WWOX: variants seen among roughly 807,000 people sequenced by gnomAD.
WWOX encodes the protein WW domain-containing oxidoreductase.
In WWOX, 69 loss-of-function variants were observed where a neutral mutation model predicts 46.2. The ratio of observed to expected loss-of-function variants is 1.49; its 90% CI spans 1.23 to 1.82. The LOEUF (loss-of-function observed/expected upper bound fraction) is 1.82. WWOX is among the 40% of genes most tolerant of loss of function. WWOX has a pLI of 0.00. For synonymous variants in WWOX, 359 were observed against 202.6 expected (o/e 1.77, Z -6.56); for missense variants, 919 against 542.6 (o/e 1.69, Z -6.89).
intron 8 of WWOX, among the ~76,000 whole-genome samples, chr16:78,919,089 T>A (rs917609902): frequency 6.6e-6 from 1 of 152,148 alleles, no homozygotes; most frequent in Admixed American, 6.5e-5. Flanking sequence ...TCATTTCCAA[T>A]TGAAATTAAT....
intron 8 of WWOX, among the ~76,000 whole-genome samples, chr16:78,681,755 G>A (rs1035269172): frequency 1.3e-5 from 2 of 152,212 alleles, no homozygotes; most frequent in African/African-American, 4.8e-5. Context: ...CAGCACAAAG[G>A]CGTGCGCAGT....
At chr16:78,847,534 A>G (rs1045837150) in intron 8 of WWOX, among the ~76,000 whole-genome samples, 5 of 151,868 alleles carry the variant, frequency 3.3e-5, no homozygotes, top group Non-Finnish European at 7.4e-5. Flanking sequence ...GGGTCTTGCT[A>G]TGTTGCCCAG....
chr16:78,215,693 C>T (rs889534934), intron 5 of WWOX, among the ~76,000 whole-genome samples: 2 of 151,974 alleles, frequency 1.3e-5, no homozygotes, highest in African/African-American at 4.8e-5. Flanking sequence ...TTTAGGAGGC[C>T]GAGGCAGATG....
chr16:78,507,559 G>A (rs564811085), intron 8 of WWOX, among the ~76,000 whole-genome samples: 1 of 152,092 alleles, frequency 6.6e-6, no homozygotes, highest in South Asian at 2.1e-4. Flanking sequence ...TGTCCTATTA[G>A]GCATCTTATC....
intron 5 of WWOX, among the ~76,000 whole-genome samples, chr16:78,189,953 C>G (rs1008573964): frequency 6.6e-6 from 1 of 152,032 alleles, no homozygotes; most frequent in Non-Finnish European, 1.5e-5. Flanking sequence ...CCACGCCCGG[C>G]TCAAATCCTT....
At chr16:78,149,737 T>G (rs900787173) in intron 4 of WWOX, among the ~76,000 whole-genome samples, 10 of 152,118 alleles carry the variant, frequency 6.6e-5, no homozygotes, top group Admixed American at 5.9e-4. Flanking sequence ...AGAGAATAGA[T>G]GGCAAATCCC....
At chr16:78,584,830 G>A (rs548983876) in intron 8 of WWOX, among the ~76,000 whole-genome samples, 2 of 152,340 alleles carry the variant, frequency 1.3e-5, no homozygotes, top group South Asian at 4.1e-4. Flanking sequence ...AAAAGTTCAA[G>A]CTATATGCTT....
intron 8 of WWOX, among the ~76,000 whole-genome samples, chr16:79,115,751 A>C (rs752509219): frequency 1.3e-5 from 2 of 152,106 alleles, no homozygotes; most frequent in Non-Finnish European, 2.9e-5. Context: ...TGCGTGTAGA[A>C]GTTTCAAGTT....
chr16:78,810,321 C>T (rs146722505), intron 8 of WWOX, among the ~76,000 whole-genome samples: 209 of 152,316 alleles, frequency 1.4e-3, no homozygotes, highest in African/African-American at 4.7e-3. Flanking sequence ...ATGTTCTGCC[C>T]AATCACCTAC....
intron 8 of WWOX, among the ~76,000 whole-genome samples, chr16:78,624,303 G>T (rs1188299433): frequency 2.6e-5 from 4 of 151,650 alleles, no homozygotes; most frequent in African/African-American, 9.7e-5. Flanking sequence ...CAACTGGCAG[G>T]GGCTCTGCAA....
At chr16:79,176,110 T>C (rs764323250) in intron 8 of WWOX, among the ~76,000 whole-genome samples, 1 of 152,216 alleles carries the variant, frequency 6.6e-6, no homozygotes, top group Admixed American at 6.5e-5. Context: ...TTTGCACACC[T>C]GTGTTGCAAA....
In WWOX at chr16:78,971,433, T is replaced by TGAGA. The variant is rs1246985095; in HGVS notation, c.1057-240173_1057-240172insGAGA. ...TCACGCCACTGCTCTCCAGTCTGGG[T>TGAGA]GACAGACTCTGTGTCAAAAAAAAAA... is the stretch of plus-strand genomic sequence containing the variant. On this transcript the variant is annotated intron_variant, in intron 8 of 8. Coordinates refer to ENST00000566780, the MANE Select transcript of WWOX (RefSeq NM_016373.4). Among the ~76,000 whole-genome samples, 3 of 55,418 alleles carry TGAGA rather than the reference T, an allele frequency of 5.4e-5. 1 individual carries two copies. Among genetic ancestry groups the TGAGA allele is most frequent in the Non-Finnish European group, 9.8e-5 (3 of 30,612 alleles). The allele number at this position is 55,418 out of a possible 152,430, so 36.4% of individuals were successfully genotyped here. A position where few individuals can be genotyped will look rare whatever the true frequency, so the allele number is the denominator to read the frequency against.
intron 5 of WWOX, among the ~76,000 whole-genome samples, chr16:78,218,838 G>C (rs1232813419): frequency 6.6e-6 from 1 of 152,206 alleles, no homozygotes; most frequent in Non-Finnish European, 1.5e-5. Flanking sequence ...ATTCATTAGA[G>C]TTTTTGAGTC....
chr16:78,698,760 G>C lies in WWOX; in HGVS notation c.1056+266008G>C, dbSNP rs77038114. ...GGAGACTGAGGCAGGAGGATTGCTT[G>C]AGGCCTGGAGATCAAGGCTGCAATG... is the stretch of plus-strand genomic sequence containing the variant. On this transcript the variant is annotated intron_variant, in intron 8 of 8. Transcript: ENST00000566780. 3.2e-3 allele frequency among the ~76,000 whole-genome samples: 493 copies of C among 152,292 alleles called. 1 individual carries two copies. The highest frequency in any genetic ancestry group is 0.011 in the African/African-American group (471 of 41,562).
At chr16:78,939,868 G>C (rs766796533) in intron 8 of WWOX, among the ~76,000 whole-genome samples, 2 of 152,110 alleles carry the variant, frequency 1.3e-5, no homozygotes, top group East Asian at 3.9e-4. Flanking sequence ...ATAGACGTGT[G>C]GACGTTGTTT....
At chr16:78,779,077 A>G (rs777007189) in intron 8 of WWOX, among the ~76,000 whole-genome samples, 2 of 147,778 alleles carry the variant, frequency 1.4e-5, no homozygotes, top group African/African-American at 5.0e-5. Context: ...CATAGAGATC[A>G]CTCTATCGCC....
In WWOX at chr16:78,388,396, C is replaced by A. The variant is rs112616572; in HGVS notation, c.605+1448C>A. Among the ~76,000 whole-genome samples, 380 of 152,230 alleles carry A rather than the reference C, an allele frequency of 2.5e-3. 3 individuals are homozygous for A. The highest frequency in any genetic ancestry group is 8.9e-3 in the African/African-American group (371 of 41,558). On this transcript the variant is annotated intron_variant, in intron 6 of 8. Coordinates refer to ENST00000566780, the MANE Select transcript of WWOX (RefSeq NM_016373.4). ...GTGCAGTGGCTTATGCCTGTAATCC[C>A]AGCAGTTTGGGAGGCCAAGGCGGGG... is the stretch of plus-strand genomic sequence containing the variant.
At chr16:79,175,506 G>T (rs1404267824) in intron 8 of WWOX, among the ~76,000 whole-genome samples, 1 of 152,166 alleles carries the variant, frequency 6.6e-6, no homozygotes, top group Non-Finnish European at 1.5e-5. Context: ...TTAGCTCCGT[G>T]GATATTACTA....
intron 8 of WWOX, among the ~76,000 whole-genome samples, chr16:78,498,561 G>C (rs370832374): frequency 6.6e-6 from 1 of 152,168 alleles, no homozygotes; most frequent in Non-Finnish European, 1.5e-5. Flanking sequence ...CACACCTTTG[G>C]CCTAAAGGGT....
Sources: gnomAD v4.1 joint callset for allele counts (sites outside exome capture counted in the v4.1 genomes callset) on GRCh38, gnomAD v4.1.1 for gene constraint, MANE v1.5 for transcripts, NCBI Gene and HGNC (gene_info 2026-07-23, HGNC 2026-07-21) for gene names.